ERC2: variants seen among roughly 807,000 people sequenced by gnomAD.
ERC2 encodes ELKS/RAB6-interacting/CAST family member 2.
A neutral mutation model predicts 114.8 loss-of-function variants in ERC2; 42 were observed. The observed-to-expected ratio is 0.37, with a 90% CI of 0.29 to 0.47. The LOEUF is 0.47. Among genes scored for constraint, ERC2 ranks in the 20% least tolerant of loss-of-function variants. ERC2 has a pLI of 0.99. For synonymous variants in ERC2, 454 were observed against 425.5 expected, an observed-to-expected ratio of 1.07 and a Z score of -0.82; for missense variants, 939 against 1,150.7, an observed-to-expected ratio of 0.82 and a Z score of 2.66.
intron 14 of ERC2, among the ~76,000 whole-genome samples, chr3:55,824,587 T>A (rs570589881): frequency 9.3e-4 from 142 of 152,348 alleles, no homozygotes; most frequent in African/African-American, 3.2e-3. Context: ...TGATTATTTA[T>A]GTTGAGGATT....
chr3:55,714,622 T>G (rs1427393040), intron 15 of ERC2, among the ~76,000 whole-genome samples: 1 of 148,550 alleles, frequency 6.7e-6, no homozygotes, highest in Non-Finnish European at 1.5e-5. Flanking sequence ...TTTAAATATA[T>G]ATATGGGTTT....
intron 1 of ERC2, among the ~76,000 whole-genome samples, chr3:56,461,727 A>C (rs995043702): frequency 6.6e-6 from 1 of 152,246 alleles, no homozygotes; most frequent in Non-Finnish European, 1.5e-5. Flanking sequence ...ATTTTAGAGC[A>C]GTGGCCTCAA....
intron 17 of ERC2, among the ~76,000 whole-genome samples, chr3:55,529,402 G>A (rs1299076144): frequency 2.0e-5 from 3 of 152,148 alleles, no homozygotes; most frequent in Non-Finnish European, 4.4e-5. Context: ...ACTCTTAGAG[G>A]AAAGAGAACT....
At chr3:56,060,953 T>G (rs1364860606) in intron 7 of ERC2, among the ~76,000 whole-genome samples, 1 of 152,202 alleles carries the variant, frequency 6.6e-6, no homozygotes, top group Admixed American at 6.5e-5. Context: ...AAAGATGGCC[T>G]GGCATGATTT....
chr3:55,572,393 C>T (rs2056762187), intron 17 of ERC2, among the ~76,000 whole-genome samples: 1 of 152,136 alleles, frequency 6.6e-6, no homozygotes, highest in South Asian at 2.1e-4. Flanking sequence ...GTGCTTTCCT[C>T]AATCCTCAAT....
intron 3 of ERC2, among the ~76,000 whole-genome samples, chr3:56,226,315 T>TC (rs1435155365): frequency 2.0e-5 from 3 of 152,100 alleles, no homozygotes; most frequent in South Asian, 2.1e-4. Context: ...TGCCATCATC[T>TC]CCCCAGCACC....
intron 2 of ERC2, among the ~76,000 whole-genome samples, chr3:56,305,942 C>T (rs1020287999): frequency 1.3e-5 from 2 of 152,134 alleles, no homozygotes. Context: ...CTCCACCTCC[C>T]GGGTTCAAGT....
At chr3:56,001,804 T>C (rs889591777) in intron 10 of ERC2, among the ~76,000 whole-genome samples, 1 of 152,130 alleles carries the variant, frequency 6.6e-6, no homozygotes, top group African/African-American at 2.4e-5. Flanking sequence ...CATTCTTTGG[T>C]TTTCTTCCTG....
intron 12 of ERC2, among the ~76,000 whole-genome samples, chr3:55,979,986 G>C (rs1182136016): frequency 7.3e-6 from 1 of 137,874 alleles, no homozygotes; most frequent in Non-Finnish European, 1.5e-5. Context: ...AGGAACCATA[G>C]AGGCTCTTCA....
At chr3:56,379,434 C>G (rs752747291) in intron 2 of ERC2, among the ~76,000 whole-genome samples, 17 of 152,122 alleles carry the variant, frequency 1.1e-4, no homozygotes, top group Non-Finnish European at 2.5e-4. Flanking sequence ...GGCACTGAGC[C>G]AAGGGCTTTA....
chr3:55,781,877 A>C (rs1047944460), intron 14 of ERC2, among the ~76,000 whole-genome samples: 1 of 102,804 alleles, frequency 9.7e-6, no homozygotes. Flanking sequence ...AGCCTCACAG[A>C]AAAAAAAAAA....
At chr3:56,200,463 C>T (rs2048348558) in intron 3 of ERC2, among the ~76,000 whole-genome samples, 1 of 152,156 alleles carries the variant, frequency 6.6e-6, no homozygotes, top group Non-Finnish European at 1.5e-5. Context: ...CCTCACCCAA[C>T]TGTGAATCAG....
chr3:56,422,779 G>A (rs2061434361), intron 2 of ERC2, among the ~76,000 whole-genome samples: 2 of 152,118 alleles, frequency 1.3e-5, no homozygotes, highest in Admixed American at 1.3e-4. Context: ...GAGGCCTCAG[G>A]CAAGTCACTC....
rs189813973 is a variant in ERC2, at chr3:56,227,734, C to T, written c.1075-54214G>A. 5.2e-3 allele frequency among the ~76,000 whole-genome samples: 786 copies of T among 152,238 alleles called. 11 individuals are homozygous for T. Among genetic ancestry groups the T allele is most frequent in the African/African-American group, 0.018 (730 of 41,528 alleles). On this transcript the variant is annotated intron_variant, in intron 3 of 17. Coordinates refer to ENST00000288221, the MANE Select transcript of ERC2 (RefSeq NM_015576.3). ...CAAATCAGGAAAACCACTGGGAAAA[C>T]GATTTAGCAGTATCTACCAAACTAC... is the stretch of plus-strand genomic sequence containing the variant.
chr3:56,272,810 T>A (rs1363221678), intron 3 of ERC2, among the ~76,000 whole-genome samples: 3 of 152,156 alleles, frequency 2.0e-5, no homozygotes, highest in Non-Finnish European at 4.4e-5. Context: ...AATGGGTAAC[T>A]GCAGGAACAT....
intron 13 of ERC2, among the ~76,000 whole-genome samples, chr3:55,938,579 A>C (rs1254453330): frequency 6.6e-6 from 1 of 152,238 alleles, no homozygotes; most frequent in Non-Finnish European, 1.5e-5. Context: ...TCACAGGCCC[A>C]TGTCTGAACA....
chr3:56,257,839 G>A (rs1249357090), intron 3 of ERC2, among the ~76,000 whole-genome samples: 1 of 152,162 alleles, frequency 6.6e-6, no homozygotes, highest in East Asian at 1.9e-4. Flanking sequence ...GGTTTATCCT[G>A]GCTTAAAAAT....
At chr3:56,216,992 CA>C (rs1394910940) in intron 3 of ERC2, among the ~76,000 whole-genome samples, 1 of 152,164 alleles carries the variant, frequency 6.6e-6, no homozygotes, top group Non-Finnish European at 1.5e-5. Flanking sequence ...GGACGTATCT[CA>C]AAATAACAAG....
chr3:56,345,972 A>G (rs2058291462), intron 2 of ERC2, among the ~76,000 whole-genome samples: 1 of 152,080 alleles, frequency 6.6e-6, no homozygotes, highest in African/African-American at 2.4e-5. Context: ...GTCTCACTGT[A>G]TTTACATTTC....
Sources: gnomAD v4.1 joint callset for allele counts (sites outside exome capture counted in the v4.1 genomes callset) on GRCh38, gnomAD v4.1.1 for gene constraint, MANE v1.5 for transcripts, NCBI Gene and HGNC (gene_info 2026-07-23, HGNC 2026-07-21) for gene names.